THADA: variants seen among roughly 807,000 people sequenced by gnomAD.
THADA encodes THADA armadillo repeat containing, also known as tRNA (32-2'-O)-methyltransferase regulator THADA.
A neutral mutation model predicts 219.8 loss-of-function variants in THADA; 213 were observed. The observed-to-expected ratio is 0.97, with a 90% CI of 0.87 to 1.09. The LOEUF (loss-of-function observed/expected upper bound fraction) is 1.09, where lower values mean the gene tolerates loss of function less well. THADA is among the 50% of genes least tolerant of loss of function. The pLI, the probability that THADA is intolerant of heterozygous loss-of-function variation, is 0.00. For synonymous variants in THADA, 1,018 were observed against 828.9 expected (o/e 1.23, Z -3.92); for missense variants, 2,956 against 2,311.3 (o/e 1.28, Z -5.72).
intron 25 of THADA, among the ~76,000 whole-genome samples, chr2:43,488,930 T>C (rs769964530): frequency 1.3e-5 from 2 of 152,190 alleles, no homozygotes; most frequent in Non-Finnish European, 2.9e-5. Context: ...GTGTTAAGTA[T>C]CCTTTTGTGT....
chr2:43,257,545 A>G (rs1670469423), intron 36 of THADA, among the ~76,000 whole-genome samples: 1 of 152,230 alleles, frequency 6.6e-6, no homozygotes, highest in Admixed American at 6.5e-5. Context: ...CGACCACCTC[A>G]GTCTATCCCA....
At chr2:43,523,976 G>A (rs1043711275) in intron 22 of THADA, among the ~76,000 whole-genome samples, 4 of 152,110 alleles carry the variant, frequency 2.6e-5, no homozygotes, top group Non-Finnish European at 4.4e-5. Context: ...TTCATCAGAA[G>A]AACGACTTCA....
In THADA at chr2:43,485,295, C is replaced by G. The variant is rs774673118; in HGVS notation, c.3775G>C (p.Ala1259Pro). The G allele has an allele frequency of 1.9e-6, 3 of 1,612,990 alleles. No homozygotes were observed. In the South Asian group the frequency reaches 3.3e-5, roughly 18 times the overall value. The change falls in exon 26 of 38, where the codon GCC (alanine) becomes CCC (proline). Residue 1259 changes from alanine (A) to proline (P), a missense_variant. Coordinates refer to ENST00000405975, the MANE Select transcript of THADA (RefSeq NM_022065.5). ...VRNSSTLLFSALITRIFGVKR... is the reference protein window; with the variant it reads ...VRNSSTLLFSPLITRIFGVKR... Reference sequence around the variant, plus strand: ...ACTCCAAAAATTCTTGTGATCAAGGCACTAAAGAGAAGTGTGGATGAATTT... The same window carrying G: ...ACTCCAAAAATTCTTGTGATCAAGGGACTAAAGAGAAGTGTGGATGAATTT...
chr2:43,234,714 C>T (rs761447981), intron 36 of THADA, among the ~76,000 whole-genome samples: 3 of 152,144 alleles, frequency 2.0e-5, no homozygotes, highest in Non-Finnish European at 4.4e-5. Flanking sequence ...AGTACAGTGG[C>T]GTGATCTTGG....
intron 36 of THADA, among the ~76,000 whole-genome samples, chr2:43,242,473 C>G (rs1000457291): frequency 2.6e-5 from 4 of 152,142 alleles, no homozygotes; most frequent in African/African-American, 9.7e-5. Flanking sequence ...CTCCAGCACT[C>G]CAGCACCTAT....
At chr2:43,593,164 T>C (rs747707145) in intron 1 of THADA, among the ~76,000 whole-genome samples, 3 of 152,124 alleles carry the variant, frequency 2.0e-5, no homozygotes, top group Admixed American at 6.5e-5. Flanking sequence ...TGGAAGGACA[T>C]GTTGAATGAT....
At chr2:43,511,322 T>C (rs535873976) in intron 22 of THADA, among the ~76,000 whole-genome samples, 2 of 152,174 alleles carry the variant, frequency 1.3e-5, no homozygotes, top group Non-Finnish European at 2.9e-5. Flanking sequence ...ATAATGCTCC[T>C]CAACTGTCAG....
chr2:43,559,367 G>C (rs573900609), intron 16 of THADA, among the ~76,000 whole-genome samples: 14 of 152,128 alleles, frequency 9.2e-5, no homozygotes, highest in Non-Finnish European at 2.1e-4. Flanking sequence ...CACAGAAACA[G>C]ACACTATCCT....
intron 4 of THADA, among the ~76,000 whole-genome samples, chr2:43,589,614 T>G (rs187534443): frequency 6.6e-6 from 1 of 152,192 alleles, no homozygotes; most frequent in Non-Finnish European, 1.5e-5. Flanking sequence ...TTCTCACTCA[T>G]AAGTGGAAGC....
chr2:43,392,924 A>C (rs1673565148), intron 29 of THADA, among the ~76,000 whole-genome samples: 1 of 152,194 alleles, frequency 6.6e-6, no homozygotes, highest in African/African-American at 2.4e-5. Context: ...AATTAAATTC[A>C]GTCTTGACCA....
intron 36 of THADA, among the ~76,000 whole-genome samples, chr2:43,254,008 T>G (rs1374207512): frequency 6.6e-6 from 1 of 152,036 alleles, no homozygotes; most frequent in Non-Finnish European, 1.5e-5. Flanking sequence ...TTAGTCCATG[T>G]GGTTTGGGTG....
At chr2:43,586,777 A>G in intron 5 of THADA, 43 bp from the exon 6 acceptor site, 1 of 1,610,346 alleles carries the variant, frequency 6.2e-7, no homozygotes, top group Admixed American at 1.7e-5. Flanking sequence ...TTTCACGACC[A>G]AAATCAATGT....
intron 15 of THADA, among the ~76,000 whole-genome samples, chr2:43,561,557 A>G (rs1698065816): frequency 6.6e-6 from 1 of 152,262 alleles, no homozygotes; most frequent in African/African-American, 2.4e-5. Flanking sequence ...TGAAAACTGA[A>G]AACATTATTA....
intron 28 of THADA, among the ~76,000 whole-genome samples, chr2:43,402,901 A>G (rs1675043474): frequency 6.6e-6 from 1 of 152,214 alleles, no homozygotes; most frequent in Non-Finnish European, 1.5e-5. Context: ...TTGGCAAGAA[A>G]GAAGTCCTTT....
chr2:43,237,846 T>A (rs1324306290), intron 36 of THADA, among the ~76,000 whole-genome samples: 1 of 150,166 alleles, frequency 6.7e-6, no homozygotes, highest in Admixed American at 6.6e-5. Flanking sequence ...GACTGGGTGC[T>A]GTGGCTCATG....
At chr2:43,424,800 G>T (rs966069112) in intron 28 of THADA, among the ~76,000 whole-genome samples, 9 of 152,144 alleles carry the variant, frequency 5.9e-5, no homozygotes, top group African/African-American at 1.9e-4. Context: ...GAAGAGCCAG[G>T]CTTCTACTGT....
intron 26 of THADA, among the ~76,000 whole-genome samples, chr2:43,436,309 C>A (rs1034505137): frequency 6.6e-6 from 1 of 152,160 alleles, no homozygotes; most frequent in African/African-American, 2.4e-5. Context: ...CCGGGAGGTA[C>A]AATGGGAGGA....
chr2:43,528,596 G>A (rs1693477374), intron 21 of THADA, among the ~76,000 whole-genome samples: 1 of 152,124 alleles, frequency 6.6e-6, no homozygotes, highest in African/African-American at 2.4e-5. Context: ...AGAACATGAA[G>A]CCAAGCAGTC....
chr2:43,462,266 A>G (rs1003705923), intron 26 of THADA, among the ~76,000 whole-genome samples: 1 of 152,192 alleles, frequency 6.6e-6, no homozygotes, highest in African/African-American at 2.4e-5. Context: ...TTTCCACAGA[A>G]ACTCTAAGAT....
Sources: gnomAD v4.1 joint callset for allele counts (sites outside exome capture counted in the v4.1 genomes callset) on GRCh38, gnomAD v4.1.1 for gene constraint, MANE v1.5 for transcripts, NCBI Gene and HGNC (gene_info 2026-07-23, HGNC 2026-07-21) for gene names.